Variants in MEP1A observed in about 807,000 individuals in gnomAD.
MEP1A encodes the protein meprin A subunit alpha.
MEP1A carries 68 observed loss-of-function variants against 84.5 expected under a neutral mutation model. That is an observed-to-expected ratio of 0.80 (90% CI 0.66 to 0.98). MEP1A has a LOEUF of 0.98. Among genes scored for constraint, MEP1A ranks in the 50% least tolerant of loss-of-function variants. The pLI is 0.00. For missense variants in MEP1A, 887 were observed against 919.9 expected, an observed-to-expected ratio of 0.96 and a Z score of 0.46; for synonymous variants, 337 against 336.8, an observed-to-expected ratio of 1.00 and a Z score of -0.01.
intron 3 of MEP1A, among the ~76,000 whole-genome samples, chr6:46,795,238 C>T (rs550606453): frequency 6.6e-6 from 1 of 152,274 alleles, no homozygotes; most frequent in Non-Finnish European, 1.5e-5. Flanking sequence ...TTCTCTCACA[C>T]CTGACACACA....
intron 10 of MEP1A, among the ~76,000 whole-genome samples, chr6:46,830,668 A>G (rs1221267215): frequency 2.0e-5 from 3 of 152,182 alleles, no homozygotes; most frequent in African/African-American, 4.8e-5. Context: ...GTCCAGGGAA[A>G]GGAATTATTT....
chr6:46,833,343 T>C lies in MEP1A; in HGVS notation c.1414T>C (p.Tyr472His), dbSNP rs1206090590. 2 of 1,614,202 alleles carry C rather than the reference T, an allele frequency of 1.2e-6. No individual in the cohort carries two copies. The highest frequency in any genetic ancestry group is 1.7e-5 in the Admixed American group (1 of 60,026). Residue 472 changes from tyrosine (Y) to histidine (H), a missense_variant, in exon 11 of 14, where the codon TAC becomes CAC. Coordinates refer to ENST00000230588, the MANE Select transcript of MEP1A (RefSeq NM_005588.3). ...GGGATATGGTTTTGGGGTAACTTTA[T>C]ACCCAAATAGCAGAGAAAGCTCTGG... ...SEGYGFGVTLYPNSRESSGYL... is the reference protein window; with the variant it reads ...SEGYGFGVTLHPNSRESSGYL...
Position 46,809,320 on chromosome 6 carries a change from G to A in MEP1A, c.263-100G>A, listed in dbSNP as rs575375632. ...ACCAAAAACCCTATCATGCACCTCT[G>A]TGGATTTAATGTGGCAGCATGGTTT... is the stretch of plus-strand genomic sequence containing the variant. On this transcript the variant is annotated intron_variant, in intron 5 of 13. Transcript: ENST00000230588. 5.1e-5 allele frequency: 38 copies of A among 746,520 alleles called. No homozygotes were observed. The African/African-American group carries it at 6.0e-4, about 12-fold the overall frequency. The allele number at this position is 746,520 out of a possible 1,614,324, so 46.2% of individuals were successfully genotyped here. A position where few individuals can be genotyped will look rare whatever the true frequency, so the allele number is the denominator to read the frequency against.
intron 3 of MEP1A, among the ~76,000 whole-genome samples, chr6:46,796,695 G>C (rs1014487007): frequency 1.3e-5 from 2 of 152,154 alleles, no homozygotes; most frequent in African/African-American, 4.8e-5. Context: ...GCTCTCACTG[G>C]ATGTACACTT....
intron 5 of MEP1A, among the ~76,000 whole-genome samples, chr6:46,808,611 T>C (rs1460484180): frequency 6.6e-6 from 1 of 152,086 alleles, no homozygotes; most frequent in African/African-American, 2.4e-5. Flanking sequence ...AGTATCTTTC[T>C]TTTCTACCCC....
chr6:46,829,914 TAAG>T (rs1768041315), intron 10 of MEP1A, among the ~76,000 whole-genome samples: 1 of 151,866 alleles, frequency 6.6e-6, no homozygotes. Context: ...GGAGTGGAGA[TAAG>T]AAGGTAAAAG....
downstream of MEP1A, among the ~76,000 whole-genome samples, chr6:46,844,589 G>C (rs1421992037): frequency 3.3e-5 from 5 of 152,118 alleles, no homozygotes; most frequent in Non-Finnish European, 5.9e-5. Context: ...ATCTGGTCAA[G>C]AGAATAAAAG....
intron 9 of MEP1A, among the ~76,000 whole-genome samples, chr6:46,827,107 G>C (rs968560311): frequency 1.3e-5 from 2 of 152,152 alleles, no homozygotes; most frequent in African/African-American, 4.8e-5. Context: ...TAGCCACATA[G>C]GTTTGGTAGC....
intron 11 of MEP1A, 138 bp downstream of exon 11, chr6:46,833,676 T>G: frequency 1.5e-6 from 1 of 676,900 alleles, no homozygotes; most frequent in Non-Finnish European, 2.5e-6. Context: ...TTGTTGGAGT[T>G]TCAAGTCAAG....
chr6:46,835,736 C>T (rs1768204676), intron 13 of MEP1A, among the ~76,000 whole-genome samples, 187 bp downstream of exon 13: 1 of 152,186 alleles, frequency 6.6e-6, no homozygotes, highest in Admixed American at 6.5e-5. Flanking sequence ...AGGACAGAGG[C>T]TTCCCAGGTC....
chr6:46,796,263 C>A (rs1359010825), intron 3 of MEP1A, among the ~76,000 whole-genome samples: 1 of 152,130 alleles, frequency 6.6e-6, no homozygotes, highest in Admixed American at 6.6e-5. Flanking sequence ...AAGTTTAGGA[C>A]CACTGCCCTA....
chr6:46,819,891 G>C (rs1259355484), intron 7 of MEP1A, among the ~76,000 whole-genome samples, 187 bp downstream of exon 7: 1 of 152,128 alleles, frequency 6.6e-6, no homozygotes, highest in African/African-American at 2.4e-5. Flanking sequence ...CGCAGATAAG[G>C]GCCTCAAGGA....
intron 5 of MEP1A, among the ~76,000 whole-genome samples, chr6:46,802,474 A>G (rs1414317033): frequency 1.3e-5 from 2 of 151,880 alleles, no homozygotes; most frequent in African/African-American, 4.8e-5. Context: ...GTTGATTTGT[A>G]GATTTTTTTA....
chr6:46,793,493 A>G, intron 1 of MEP1A, 26 bp downstream of exon 1: 2 of 1,599,664 alleles, frequency 1.3e-6, no homozygotes, highest in Non-Finnish European at 1.7e-6. Context: ...CTTTTTGGAT[A>G]TTTAGAAATA....
Position 46,835,415 on chromosome 6 carries a change from A to G in MEP1A, c.1950A>G (p.Arg650=), listed in dbSNP as rs779728002. The G allele has an allele frequency of 1.4e-5, 22 of 1,612,338 alleles. No individual in the cohort carries two copies. The highest frequency in any genetic ancestry group is 5.9e-6 in the Non-Finnish European group (7 of 1,179,260). Residue 650 remains arginine (R), a synonymous_variant, in exon 13 of 14, where the codon CGA becomes CGG. Transcript: ENST00000230588. ...PVSLSQGQPS[R]QKRSVENTGP... ...GCCTGAGCCAGGGGCAGCCCAGCCG[A>G]CAGAAGCGGTCGGTGGAGAACACAG... is the stretch of plus-strand genomic sequence containing the variant.
intron 10 of MEP1A, among the ~76,000 whole-genome samples, chr6:46,830,016 C>A (rs1768043920): frequency 2.0e-5 from 3 of 151,870 alleles, no homozygotes; most frequent in South Asian, 4.2e-4. Flanking sequence ...GAGGCCGAGG[C>A]GGCCTTGTGG....
rs756755802 is a variant in MEP1A at position 46,819,557 on chromosome 6, G to A, written c.409G>A (p.Val137Met). 12 of 1,613,302 alleles carry A rather than the reference G, an allele frequency of 7.4e-6. No individual in the cohort carries two copies. In the Admixed American group the frequency reaches 1.7e-4, roughly 22 times the overall value. The change falls in exon 7 of 14, where the codon GTG (valine) becomes ATG (methionine). Residue 137 changes from valine (V) to methionine (M), a missense_variant. By Grantham distance (21) the Val-to-Met change is conservative. Transcript: ENST00000230588. The part of the protein sequence containing the change: ...GCWSEVGDQH[V>M]GQNISIGQGC... ...CTGGTCTGAGGTTGGTGACCAACATGTGGGACAGAACATTTCCATTGGCCA... is the reference window on the plus strand; with the variant it reads ...CTGGTCTGAGGTTGGTGACCAACATATGGGACAGAACATTTCCATTGGCCA...
chr6:46,811,680 C>A lies in MEP1A; in HGVS notation c.380+2143C>A, dbSNP rs562962672. Among the ~76,000 whole-genome samples, 3 of 151,922 alleles carry A rather than the reference C, an allele frequency of 2.0e-5. No homozygotes were observed. In the South Asian group the frequency reaches 6.2e-4, roughly 32 times the overall value. On this transcript the variant is annotated intron_variant, in intron 6 of 13. Coordinates refer to ENST00000230588, the MANE Select transcript of MEP1A (RefSeq NM_005588.3). ...AATTTTGCTGAGGTTTTTAATCATA[C>A]AGGGATGGTGGACTTTGCCAAATGC...
At chr6:46,819,388 C>G in intron 6 of MEP1A, 141 bp from the exon 7 acceptor site, 1 of 660,488 alleles carries the variant, frequency 1.5e-6, no homozygotes, top group Non-Finnish European at 2.6e-6. Flanking sequence ...CATCTTTGGA[C>G]CATTAGCATA....
Sources: allele counts gnomAD v4.1 joint callset (sites outside exome capture counted in the v4.1 genomes callset), GRCh38; gene constraint gnomAD v4.1.1; transcripts MANE v1.5; gene names NCBI Gene and HGNC (gene_info 2026-07-23, HGNC 2026-07-21).